The following FNIP1 variants were observed in gnomAD, a reference collection of about 807,000 sequenced individuals.
FNIP1 encodes folliculin-interacting protein 1.
Under a neutral mutation model 124.5 loss-of-function variants are expected in FNIP1, and 40 were observed. The ratio of observed to expected loss-of-function variants is 0.32; its 90% confidence interval spans 0.25 to 0.42. The LOEUF is 0.42. Among genes scored for constraint, FNIP1 ranks in the 10% least tolerant of loss-of-function variants. The pLI, the probability that FNIP1 is intolerant of heterozygous loss-of-function variation, is 1.00. For missense variants in FNIP1, 1,176 were observed against 1,403.7 expected (o/e 0.84, Z 2.59); for synonymous variants, 472 against 470.6 (o/e 1.00, Z -0.04).
chr5:131,649,280 A>G (rs1229888329), intron 16 of FNIP1, among the ~76,000 whole-genome samples: 3 of 152,206 alleles, frequency 2.0e-5, no homozygotes, highest in Non-Finnish European at 2.9e-5. Context: ...TCAACAATGC[A>G]TGAGGGTTCC....
Position 131,739,837 on chromosome 5 carries a change from A to G in FNIP1, c.219+4727T>C, listed in dbSNP as rs574183904. The stretch of plus-strand genomic sequence containing the variant: ...CAAAAAAAAAAAAAAAAAAAAAAAA[A>G]CACTGTTTTAGATACTGAGACTGTG... On this transcript the variant is annotated intron_variant, in intron 2 of 17. Transcript: ENST00000510461. Among the ~76,000 whole-genome samples, 377 of 150,210 alleles carry G rather than the reference A, an allele frequency of 2.5e-3. 1 individual carries two copies. The highest frequency in any genetic ancestry group is 8.8e-3 in the African/African-American group (361 of 40,804).
chr5:131,739,812 CAAAAAAAAAAAAAA>C (rs60928249), intron 2 of FNIP1, among the ~76,000 whole-genome samples: 1 of 31,382 alleles, frequency 3.2e-5, no homozygotes, highest in Non-Finnish European at 7.3e-5. Flanking sequence ...GACTCCAGCT[CAAAAAAAAAAAAAA>C]AAAAAAAAAA....
chr5:131,763,509 G>A (rs1433254157), intron 1 of FNIP1, among the ~76,000 whole-genome samples: 2 of 152,124 alleles, frequency 1.3e-5, no homozygotes, highest in Admixed American at 6.6e-5. Flanking sequence ...GAAGCCTCAG[G>A]AAAACTTATA....
chr5:131,780,066 G>A (rs1723450227), intron 1 of FNIP1, among the ~76,000 whole-genome samples: 3 of 151,834 alleles, frequency 2.0e-5, no homozygotes, highest in Admixed American at 2.0e-4. Context: ...AATAATAAAA[G>A]CTTTAAAATT....
At chr5:131,749,857 T>G (rs896446476) in intron 1 of FNIP1, among the ~76,000 whole-genome samples, 7 of 152,144 alleles carry the variant, frequency 4.6e-5, no homozygotes, top group African/African-American at 1.7e-4. Flanking sequence ...TCATACAGCC[T>G]AGGTGTGTAG....
At position 131,651,854 on chromosome 5, in the gene FNIP1, T is replaced by C. The variant is rs760046417; in HGVS notation, c.3254A>G (p.Asn1085Ser). Residue 1085 changes from asparagine (N) to serine (S), a missense_variant, in exon 16 of 18, where the codon AAT (asparagine) becomes AGT (serine). Transcript: ENST00000510461. Reference protein sequence around the residue: ...KEVLVSSLVSNLLHSTLQLYK... With the variant: ...KEVLVSSLVSSLLHSTLQLYK... ...AAGCTGAAGTGTGGAATGAAGCAGA[T>C]TGGAAACAAGACTGGAAACCAATAC... 5 of 1,614,158 alleles carry C rather than the reference T, an allele frequency of 3.1e-6. No individual in the cohort carries two copies. Among genetic ancestry groups the C allele is most frequent in the African/African-American group, 1.3e-5 (1 of 75,052 alleles).
chr5:131,765,801 C>G (rs1771401344), intron 1 of FNIP1, among the ~76,000 whole-genome samples: 1 of 152,094 alleles, frequency 6.6e-6, no homozygotes, highest in Admixed American at 6.6e-5. Flanking sequence ...ACTAAATACC[C>G]CACTTATCAA....
intron 1 of FNIP1, among the ~76,000 whole-genome samples, chr5:131,787,624 C>T (rs553848379): frequency 6.6e-6 from 1 of 152,284 alleles, no homozygotes; most frequent in South Asian, 2.1e-4. Flanking sequence ...CTTAATTTCT[C>T]TGTGCCTGTT....
At chr5:131,712,230 C>T (rs1325761752) in intron 6 of FNIP1, among the ~76,000 whole-genome samples, 3 of 151,580 alleles carry the variant, frequency 2.0e-5, no homozygotes, top group Non-Finnish European at 1.5e-5. Context: ...GGACCCCAAT[C>T]CCCCATTCTT....
intron 15 of FNIP1, among the ~76,000 whole-genome samples, chr5:131,657,758 A>AAAACAAAAAC (rs1767248419): frequency 6.7e-6 from 1 of 148,418 alleles, no homozygotes; most frequent in Non-Finnish European, 1.5e-5. Context: ...AAAAAAAAAA[A>AAAACAAAAAC]CGGTGGGTGA....
intron 15 of FNIP1, among the ~76,000 whole-genome samples, chr5:131,656,160 C>A (rs1380260684): frequency 6.6e-6 from 1 of 151,990 alleles, no homozygotes; most frequent in Non-Finnish European, 1.5e-5. Flanking sequence ...TACAGCAAAC[C>A]CTGAATAACA....
chr5:131,670,967 T>C (rs145044981), intron 14 of FNIP1, among the ~76,000 whole-genome samples: 2 of 152,316 alleles, frequency 1.3e-5, no homozygotes, highest in Admixed American at 6.5e-5. Context: ...AAGAGAATTG[T>C]ACCTTGTGTT....
intron 13 of FNIP1, among the ~76,000 whole-genome samples, chr5:131,673,487 C>A (rs1427083430): frequency 6.6e-6 from 1 of 152,164 alleles, no homozygotes; most frequent in African/African-American, 2.4e-5. Context: ...GGTTCAGAAA[C>A]CTCAAGCAAA....
intron 13 of FNIP1, among the ~76,000 whole-genome samples, chr5:131,676,882 A>G (rs967054271): frequency 2.6e-5 from 4 of 152,186 alleles, no homozygotes; most frequent in Non-Finnish European, 5.9e-5. Context: ...GTCATATGAC[A>G]TATTGCCATA....
intron 1 of FNIP1, among the ~76,000 whole-genome samples, chr5:131,788,694 C>CAAA (rs10715343): frequency 4.0e-3 from 227 of 56,638 alleles, no homozygotes; most frequent in Non-Finnish European, 5.6e-3. Flanking sequence ...GACTCTGTCT[C>CAAA]AAAAAAAAAA....
chr5:131,750,194 G>A (rs1770823846), intron 1 of FNIP1, among the ~76,000 whole-genome samples: 1 of 152,110 alleles, frequency 6.6e-6, no homozygotes, highest in Admixed American at 6.6e-5. Context: ...TGGAAATGGA[G>A]TATAAGACTG....
Position 131,796,841 on chromosome 5 carries a change from A to G in FNIP1, c.81T>C (p.Asp27=). Residue 27 remains aspartate (D), a synonymous_variant, in exon 1 of 18, where the codon GAT becomes GAC. Transcript: ENST00000510461. The part of the protein sequence containing the change: ...GAPGRDARDP[D]CGFSWPLPEF... Reference sequence around the variant, plus strand: ...CCACAGCGCCCTACCTGAACCCGCAATCTGGGTCCCGGGCGTCGCGGCCGG... The same window carrying G: ...CCACAGCGCCCTACCTGAACCCGCAGTCTGGGTCCCGGGCGTCGCGGCCGG... 2 of 1,595,098 alleles carry G rather than the reference A, an allele frequency of 1.3e-6. No individual in the cohort carries two copies. Among genetic ancestry groups the G allele is most frequent in the South Asian group, 1.1e-5 (1 of 88,410 alleles).
intron 11 of FNIP1, among the ~76,000 whole-genome samples, chr5:131,690,217 C>G (rs1768430431): frequency 6.6e-6 from 1 of 151,734 alleles, no homozygotes; most frequent in Non-Finnish European, 1.5e-5. Context: ...AGCAATACTC[C>G]ATCTCAAAAA....
At chr5:131,681,491 T>C (rs1768078133) in intron 11 of FNIP1, among the ~76,000 whole-genome samples, 1 of 151,842 alleles carries the variant, frequency 6.6e-6, no homozygotes, top group African/African-American at 2.4e-5. Flanking sequence ...AACACACACA[T>C]ACTCACCCAT....
Sources: allele counts gnomAD v4.1 joint callset (sites outside exome capture counted in the v4.1 genomes callset), GRCh38; gene constraint gnomAD v4.1.1; transcripts MANE v1.5; gene names NCBI Gene and HGNC (gene_info 2026-07-23, HGNC 2026-07-21).